Variants in STRN3 observed in about 807,000 individuals in gnomAD.
The protein encoded by STRN3 is striatin-3.
In STRN3, 29 loss-of-function variants were observed where a neutral mutation model predicts 95.6. The observed-to-expected ratio is 0.30, with a 90% CI of 0.23 to 0.41. STRN3 has a LOEUF of 0.41. Ranked by LOEUF, STRN3 falls within the 10% of genes least tolerant of loss-of-function variation. STRN3 has a pLI of 1.00. For synonymous variants in STRN3, 331 were observed against 357.6 expected (o/e 0.93, Z 0.84); for missense variants, 890 against 972.1 (o/e 0.92, Z 1.12).
At position 30,980,946 on chromosome 14, in the gene STRN3, A is replaced by T. The variant is rs551796129; in HGVS notation, c.283-24704T>A. ...AAAAACTTAAATATTTTAGCTTTGGAAGCAACATACAGGCGAATTCAGGTT... is the reference window on the plus strand; with the variant it reads ...AAAAACTTAAATATTTTAGCTTTGGTAGCAACATACAGGCGAATTCAGGTT... On this transcript the variant is annotated intron_variant, in intron 1 of 17. Transcript: ENST00000357479. Among the ~76,000 whole-genome samples, 5 of 152,254 alleles carry T rather than the reference A, an allele frequency of 3.3e-5. No homozygotes were observed. In the South Asian group the frequency reaches 1.0e-3, roughly 32 times the overall value.
At chr14:30,976,171 TTTTA>T (rs1321293075) in intron 1 of STRN3, among the ~76,000 whole-genome samples, 2 of 152,308 alleles carry the variant, frequency 1.3e-5, no homozygotes, top group East Asian at 1.9e-4. Flanking sequence ...CTACAATAAA[TTTTA>T]TTTAAGTATA....
At chr14:31,011,351 GA>G (rs1882960071) in intron 1 of STRN3, among the ~76,000 whole-genome samples, 1 of 152,096 alleles carries the variant, frequency 6.6e-6, no homozygotes, top group Non-Finnish European at 1.5e-5. Context: ...TTATGTGCCA[GA>G]CCCTTTACTC....
rs768739172 is a variant in STRN3 at position 31,026,021 on chromosome 14, G to A, written c.165C>T (p.Pro55=). ...ASEGAGPAAG[P]ELSRPQQYTI... ...TGTACTGCTGCGGCCGGGACAGCTCGGGGCCTGCCGCGGGACCCGCTCCCT... is the reference window on the plus strand; with the variant it reads ...TGTACTGCTGCGGCCGGGACAGCTCAGGGCCTGCCGCGGGACCCGCTCCCT... Residue 55 remains proline (P), a synonymous_variant, in exon 1 of 18, where the codon CCC becomes CCT. Coordinates refer to ENST00000357479, the MANE Select transcript of STRN3 (RefSeq NM_001083893.2). 7 of 1,541,660 alleles carry A rather than the reference G, an allele frequency of 4.5e-6. No homozygotes were observed. The East Asian group carries it at 1.0e-4, about 22-fold the overall frequency.
intron 1 of STRN3, chr14:31,018,660 A>C: frequency 2.1e-6 from 1 of 466,770 alleles, no homozygotes; most frequent in Admixed American, 2.5e-5. Context: ...AAAACTGGCC[A>C]GTTTCAGAAA....
At chr14:31,006,656 C>T (rs179709) in intron 1 of STRN3, among the ~76,000 whole-genome samples, 96,421 of 151,714 alleles carry the variant, frequency 0.64, 31,623 homozygotes, top group Non-Finnish European at 0.73. Flanking sequence ...GATCGCGCCA[C>T]TGCACTCCAG....
At position 30,894,116 on chromosome 14, in the gene STRN3, C is replaced by T. The variant is rs1174974694; in HGVS notation, c.*1295G>A. The stretch of plus-strand genomic sequence containing the variant: ...TACACAAACAAAATCTTTAGTTACA[C>T]CATAAAATTAAGCACATCTAAAAAA... On this transcript the variant is annotated 3_prime_UTR_variant, in exon 18 of 18. Coordinates refer to ENST00000357479, the MANE Select transcript of STRN3 (RefSeq NM_001083893.2). 1.3e-5 allele frequency: 2 copies of T among 152,408 alleles called. No individual in the cohort carries two copies. Among genetic ancestry groups the T allele is most frequent in the African/African-American group, 2.4e-5 (1 of 41,390 alleles). The allele number at this position is 152,408 out of a possible 1,614,324, so 9.4% of individuals were successfully genotyped here. A position where few individuals can be genotyped will look rare whatever the true frequency, so the allele number is the denominator to read the frequency against.
At chr14:30,950,998 A>G in intron 3 of STRN3, 54 bp from the exon 4 acceptor site, 2 of 1,467,868 alleles carry the variant, frequency 1.4e-6, no homozygotes, top group Admixed American at 3.8e-5. Context: ...TCCTGAAAAT[A>G]TTGCCAAAGT....
intron 8 of STRN3, among the ~76,000 whole-genome samples, chr14:30,927,137 C>A (rs1462534752): frequency 1.3e-5 from 2 of 152,020 alleles, no homozygotes; most frequent in African/African-American, 4.8e-5. Context: ...AACCCCATCT[C>A]TACAAAAAAT....
In STRN3 at chr14:30,925,870, G is replaced by A. The variant is rs978374987; in HGVS notation, c.1099+3331C>T. Among the ~76,000 whole-genome samples, 6 of 152,018 alleles carry A rather than the reference G, an allele frequency of 3.9e-5. No individual in the cohort carries two copies. In the South Asian group the frequency reaches 1.0e-3, roughly 26 times the overall value. On this transcript the variant is annotated intron_variant, in intron 8 of 17. Transcript: ENST00000357479. ...TACAGATAATGAATTATTCTAACTT[G>A]TACAAAGCTACGTAAGGAGAACATC... is the stretch of plus-strand genomic sequence containing the variant.
chr14:30,947,200 T>C lies in STRN3; in HGVS notation c.606A>G (p.Ser202=), dbSNP rs533234724. Residue 202 remains serine, a synonymous_variant, in exon 5 of 18, where the codon TCA becomes TCG. Transcript: ENST00000357479. ...GTTCTGAATTAGATAGTCCAAGTAA[T>C]GACCTTACCCGCTGAGACCGTACAT... The part of the protein sequence containing the change: ...ILDVRSQRVR[S]LLGLSNSEPN... The C allele has an allele frequency of 1.2e-6, 2 of 1,613,008 alleles. No individual in the cohort carries two copies. The highest frequency in any genetic ancestry group is 2.2e-5 in the East Asian group (1 of 44,800).
chr14:30,935,271 CAGTT>C lies in STRN3; in HGVS notation c.876_879del (p.Asp294IlefsTer8), dbSNP rs1458752235. The C allele has an allele frequency of 6.2e-7, 1 of 1,614,042 alleles. No individual in the cohort carries two copies. The highest frequency in any genetic ancestry group is 8.5e-7 in the Non-Finnish European group (1 of 1,179,970). ...AGTGCTTCCTCAGTATCAGGATCGT[CAGTT>C]AGGTCAGCAGCTAAACCTTCATTAC... is the stretch of plus-strand genomic sequence containing the variant. On this transcript the variant is annotated frameshift_variant, in exon 7 of 18. Coordinates refer to ENST00000357479, the MANE Select transcript of STRN3 (RefSeq NM_001083893.2). LOFTEE classifies it high-confidence loss of function.
At chr14:30,921,389 T>C (rs1369823102) in intron 8 of STRN3, among the ~76,000 whole-genome samples, 1 of 152,190 alleles carries the variant, frequency 6.6e-6, no homozygotes, top group Non-Finnish European at 1.5e-5. Flanking sequence ...AATTAGGAGA[T>C]ATTATGGAAC....
Position 30,951,003 on chromosome 14 carries a change from CAA to C in STRN3, c.461-61_461-60del, listed in dbSNP as rs879237648. 4.4e-5 allele frequency: 63 copies of C among 1,440,982 alleles called. No individual in the cohort carries two copies. The South Asian group carries it at 7.4e-4, about 17-fold the overall frequency. 89.3% of individuals were successfully genotyped at this position (1,440,982 alleles called of 1,614,324 possible). A position where few individuals can be genotyped will look rare whatever the true frequency, so the allele number is the denominator to read the frequency against. The stretch of plus-strand genomic sequence containing the variant: ...TTATTTCGACTCCTGAAAATATTGC[CAA>C]AGTTTTCTTAGGGATAAATTCCCAT... On this transcript the variant is annotated intron_variant, in intron 3 of 17. Transcript: ENST00000357479.
At position 31,026,373 on chromosome 14, in the gene STRN3, T is replaced by A; in HGVS notation, c.-188A>T. ...CGGCTGCCGCCATTACAATCCCTCC[T>A]CCATCTGCCCGTCTCACTCACTCAC... On this transcript the variant is annotated 5_prime_UTR_variant, in exon 1 of 18. Transcript: ENST00000357479. 1 of 205,044 alleles carries A rather than the reference T, an allele frequency of 4.9e-6. No individual in the cohort carries two copies. Among genetic ancestry groups the A allele is most frequent in the Non-Finnish European group, 8.1e-6 (1 of 123,518 alleles). The allele number at this position is 205,044 out of a possible 1,614,324, so 12.7% of individuals were successfully genotyped here.
At chr14:31,025,546 G>A (rs1883788458) in intron 1 of STRN3, 1 of 314,464 alleles carries the variant, frequency 3.2e-6, no homozygotes, top group Non-Finnish European at 6.0e-6. Context: ...AGCAAACTCA[G>A]TGTTGAGAGG....
chr14:31,018,913 G>A lies in STRN3; in HGVS notation c.282+6991C>T, dbSNP rs1187447294. ...CAGGGTGGGCAGATCACCTGAGGTC[G>A]GGAGTTTGAGACCAGACTGGCCAAT... On this transcript the variant is annotated intron_variant, in intron 1 of 17. Transcript: ENST00000357479. 4.7e-4 allele frequency: 125 copies of A among 268,776 alleles called. 1 individual carries two copies. Among genetic ancestry groups the A allele is most frequent in the Non-Finnish European group, 1.3e-4 (18 of 138,804 alleles). 16.6% of individuals were successfully genotyped at this position (268,776 alleles called of 1,614,324 possible).
chr14:30,927,380 T>A (rs974224920), intron 8 of STRN3, among the ~76,000 whole-genome samples: 11 of 151,708 alleles, frequency 7.3e-5, no homozygotes, highest in Non-Finnish European at 1.0e-4. Flanking sequence ...AAAAAAAAAA[T>A]TTTAAGAAAA....
intron 1 of STRN3, among the ~76,000 whole-genome samples, chr14:30,988,440 A>C (rs1350221530): frequency 6.6e-6 from 1 of 152,218 alleles, no homozygotes; most frequent in Non-Finnish European, 1.5e-5. Context: ...AATTTTACCA[A>C]ATATATTTAC....
At chr14:30,930,011 T>C (rs570075515) in intron 7 of STRN3, among the ~76,000 whole-genome samples, 1 of 130,172 alleles carries the variant, frequency 7.7e-6, no homozygotes, top group South Asian at 2.4e-4. Flanking sequence ...TTTTTAGAAT[T>C]GATTTTTTTT....
Sources: gnomAD v4.1 joint callset for allele counts (sites outside exome capture counted in the v4.1 genomes callset) on GRCh38, gnomAD v4.1.1 for gene constraint, MANE v1.5 for transcripts, NCBI Gene and HGNC (gene_info 2026-07-23, HGNC 2026-07-21) for gene names.